KCNB2: variants seen among roughly 807,000 people sequenced by gnomAD.
KCNB2 encodes potassium voltage-gated channel subfamily B member 2.
A neutral mutation model predicts 61.5 loss-of-function variants in KCNB2; 15 were observed. That is an observed-to-expected ratio of 0.24 (90% CI 0.16 to 0.38). The LOEUF (loss-of-function observed/expected upper bound fraction) is 0.38. Among genes scored for constraint, KCNB2 ranks in the 10% least tolerant of loss-of-function variants. The pLI is 1.00. For synonymous variants in KCNB2, 457 were observed against 446.0 expected (o/e 1.02, Z -0.31); for missense variants, 828 against 1,125.2 (o/e 0.74, Z 3.78).
At chr8:72,789,449 G>C (rs547767063) in intron 2 of KCNB2, among the ~76,000 whole-genome samples, 7 of 152,262 alleles carry the variant, frequency 4.6e-5, no homozygotes, top group Admixed American at 3.9e-4. Flanking sequence ...TTGAACCATG[G>C]AAGATCTAAC....
chr8:72,733,431 C>T (rs1807784054), intron 2 of KCNB2, among the ~76,000 whole-genome samples: 1 of 152,068 alleles, frequency 6.6e-6, no homozygotes, highest in Admixed American at 6.6e-5. Flanking sequence ...GGCAGCCTAG[C>T]ATAATGGGTG....
At chr8:72,935,582 C>T (rs925058100) in intron 2 of KCNB2, among the ~76,000 whole-genome samples, 2 of 152,152 alleles carry the variant, frequency 1.3e-5, no homozygotes, top group African/African-American at 4.8e-5. Flanking sequence ...TTTAACAAAA[C>T]ACAAACCAGG....
intron 2 of KCNB2, among the ~76,000 whole-genome samples, chr8:72,584,278 A>G (rs975545833): frequency 1.3e-5 from 2 of 152,154 alleles, no homozygotes; most frequent in African/African-American, 4.8e-5. Flanking sequence ...CCAGACAAAG[A>G]TAAATATGAG....
chr8:72,900,291 A>T (rs1254662227), intron 2 of KCNB2, among the ~76,000 whole-genome samples: 1 of 152,224 alleles, frequency 6.6e-6, no homozygotes, highest in Non-Finnish European at 1.5e-5. Context: ...CTGACTAGCC[A>T]TATGCAGAAG....
chr8:72,656,143 C>T (rs77438547), intron 2 of KCNB2, among the ~76,000 whole-genome samples: 13 of 152,230 alleles, frequency 8.5e-5, no homozygotes, highest in African/African-American at 3.1e-4. Context: ...CCCGTACTTT[C>T]AATTTTGCAG....
intron 2 of KCNB2, among the ~76,000 whole-genome samples, chr8:72,917,209 T>C (rs2129007920): frequency 6.6e-6 from 1 of 152,236 alleles, no homozygotes; most frequent in East Asian, 1.9e-4. Flanking sequence ...GAGAAATGAT[T>C]TAAAGAGTGA....
At chr8:72,688,728 T>A (rs1018651176) in intron 2 of KCNB2, among the ~76,000 whole-genome samples, 13 of 152,182 alleles carry the variant, frequency 8.5e-5, no homozygotes, top group Admixed American at 5.2e-4. Context: ...ACTCATTTTT[T>A]AAATTTATTT....
At position 72,616,053 on chromosome 8, in the gene KCNB2, G is replaced by GA. The variant is rs1001544222; in HGVS notation, c.579+47748dup. Among the ~76,000 whole-genome samples, 8 of 151,674 alleles carry GA rather than the reference G, an allele frequency of 5.3e-5. No individual in the cohort carries two copies. In the East Asian group the frequency reaches 5.8e-4, roughly 11 times the overall value. The stretch of plus-strand genomic sequence containing the variant: ...AACCCAAGGCTACCTATTGACAAGG[G>GA]AAAAAAAAGCTTTTCTGAGGTACAT... On this transcript the variant is annotated intron_variant, in intron 2 of 2. Coordinates refer to ENST00000523207, the MANE Select transcript of KCNB2 (RefSeq NM_004770.3).
chr8:72,852,968 T>A (rs1810144946), intron 2 of KCNB2, among the ~76,000 whole-genome samples: 1 of 152,210 alleles, frequency 6.6e-6, no homozygotes, highest in African/African-American at 2.4e-5. Context: ...TACCCCTTCA[T>A]GTGGCAATAG....
chr8:72,684,461 G>A (rs1563558793), intron 2 of KCNB2, among the ~76,000 whole-genome samples: 2 of 152,048 alleles, frequency 1.3e-5, no homozygotes, highest in South Asian at 2.1e-4. Context: ...GGGGTGTAGA[G>A]TCAGAGTCCT....
intron 2 of KCNB2, among the ~76,000 whole-genome samples, chr8:72,734,552 A>G (rs1004947004): frequency 4.6e-5 from 7 of 152,218 alleles, no homozygotes; most frequent in Non-Finnish European, 1.0e-4. Flanking sequence ...GCTGGATGCT[A>G]CTATGACGCC....
chr8:72,643,798 T>C (rs1204621549), intron 2 of KCNB2, among the ~76,000 whole-genome samples: 1 of 152,136 alleles, frequency 6.6e-6, no homozygotes, highest in Non-Finnish European at 1.5e-5. Flanking sequence ...GATGGACCCA[T>C]TTCTCTTTGC....
At chr8:72,548,605 C>G (rs1215420211) in intron 1 of KCNB2, among the ~76,000 whole-genome samples, 1 of 152,188 alleles carries the variant, frequency 6.6e-6, no homozygotes, top group Non-Finnish European at 1.5e-5. Flanking sequence ...AGGCCTGCTT[C>G]TTCCCAATCC....
At chr8:72,632,014 A>G (rs1047408875) in intron 2 of KCNB2, among the ~76,000 whole-genome samples, 1 of 152,082 alleles carries the variant, frequency 6.6e-6, no homozygotes, top group African/African-American at 2.4e-5. Context: ...AGGCAGGAGG[A>G]TCACTTGAGG....
intron 2 of KCNB2, among the ~76,000 whole-genome samples, chr8:72,646,495 G>T (rs78077518): frequency 0.16 from 23,728 of 152,074 alleles, 2,376 homozygotes; most frequent in Middle Eastern, 0.24. Context: ...TCAGACAAGG[G>T]TTATACTTCC....
intron 2 of KCNB2, among the ~76,000 whole-genome samples, chr8:72,657,031 A>G (rs1238213620): frequency 6.6e-6 from 1 of 152,174 alleles, no homozygotes; most frequent in Non-Finnish European, 1.5e-5. Context: ...ACCACCCAGT[A>G]TATCTTCAAA....
chr8:72,629,541 G>A (rs1302685386), intron 2 of KCNB2, among the ~76,000 whole-genome samples: 1 of 152,230 alleles, frequency 6.6e-6, no homozygotes, highest in Non-Finnish European at 1.5e-5. Flanking sequence ...TAGTCATGAT[G>A]ACTGGCGTGG....
chr8:72,806,266 G>A (rs2129000136), intron 2 of KCNB2, among the ~76,000 whole-genome samples: 1 of 151,572 alleles, frequency 6.6e-6, no homozygotes, highest in African/African-American at 2.4e-5. Flanking sequence ...GCTGAGGCAG[G>A]AGAATCACTG....
chr8:72,805,832 T>C (rs932695990), intron 2 of KCNB2, among the ~76,000 whole-genome samples: 7 of 152,286 alleles, frequency 4.6e-5, no homozygotes, highest in Admixed American at 3.9e-4. Flanking sequence ...GTAACCTTTG[T>C]GCAAAAAGAG....
Sources: gnomAD v4.1 joint callset for allele counts (sites outside exome capture counted in the v4.1 genomes callset) on GRCh38, gnomAD v4.1.1 for gene constraint, MANE v1.5 for transcripts, NCBI Gene and HGNC (gene_info 2026-07-23, HGNC 2026-07-21) for gene names.